KRTAP5-9: variants seen among roughly 807,000 people sequenced by gnomAD.
KRTAP5-9 encodes the protein keratin associated protein 5-9, also known as keratin-associated protein 5-9.
A neutral mutation model predicts 3.0 loss-of-function variants in KRTAP5-9; 2 were observed. That is an observed-to-expected ratio of 0.67 (90% CI 0.27 to 2.09). The LOEUF is 2.09. Among genes scored for constraint, KRTAP5-9 ranks in the 30% most tolerant of loss-of-function variants. The probability of loss-of-function intolerance (pLI) is 0.14; values close to 1 mark genes in which losing one functional copy is unlikely to be tolerated. For missense variants in KRTAP5-9, 183 were observed against 204.2 expected (o/e 0.90, Z 0.63); for synonymous variants, 70 against 81.2 (o/e 0.86, Z 0.74).
At position 71,549,349 on chromosome 11, in the gene KRTAP5-9, C is replaced by T. The variant is rs1368266405; in HGVS notation, c.*182C>T. The T allele has an allele frequency of 1.0e-6, 1 of 979,170 alleles. No homozygotes were observed. The highest frequency in any genetic ancestry group is 1.5e-6 in the Non-Finnish European group (1 of 668,220). The allele number at this position is 979,170 out of a possible 1,614,324, so 60.7% of individuals were successfully genotyped here. On this transcript the variant is annotated 3_prime_UTR_variant, in exon 1 of 1. Coordinates refer to ENST00000528743, the MANE Select transcript of KRTAP5-9 (RefSeq NM_005553.4). ...ATTCCCTATAAGAATATCCCAAGAC[C>T]CAGGCAATTTTGCCCCTCTTTCCCA...
At position 71,549,224 on chromosome 11, in the gene KRTAP5-9, C is replaced by T. The variant is rs998771438; in HGVS notation, c.*57C>T. On this transcript the variant is annotated 3_prime_UTR_variant, in exon 1 of 1. Transcript: ENST00000528743. ...AAGATCTGTGCTTTCCAACAAGTGACTACCCTTGAAGCACATCCCCTTCTG... is the reference window on the plus strand; with the variant it reads ...AAGATCTGTGCTTTCCAACAAGTGATTACCCTTGAAGCACATCCCCTTCTG... 1.9e-6 allele frequency: 3 copies of T among 1,608,272 alleles called. No homozygotes were observed. The highest frequency in any genetic ancestry group is 1.7e-5 in the Admixed American group (1 of 59,926).
In KRTAP5-9 at chr11:71,548,641, C is replaced by T. The variant is rs746496967; in HGVS notation, c.-17C>T. ...CACCTGCTCCTCTACCTGCTCCACC[C>T]TCAATCCACCAGAACCATGGGCTGC... On this transcript the variant is annotated 5_prime_UTR_variant, in exon 1 of 1. Transcript: ENST00000528743. The T allele has an allele frequency of 4.4e-6, 7 of 1,600,878 alleles. No homozygotes were observed. The highest frequency in any genetic ancestry group is 3.4e-5 in the Admixed American group (2 of 59,268).
At position 71,548,875 on chromosome 11, in the gene KRTAP5-9, G is replaced by T. The variant is rs1267802803; in HGVS notation, c.218G>T (p.Gly73Val). 2 of 1,614,226 alleles carry T rather than the reference G, an allele frequency of 1.2e-6. No homozygotes were observed. The highest frequency in any genetic ancestry group is 1.7e-6 in the Non-Finnish European group (2 of 1,180,024). Residue 73 changes from glycine (G) to valine (V), a missense_variant, in exon 1 of 1, where the codon GGT becomes GTT. By Grantham distance (109) the Gly-to-Val change is moderately radical. Coordinates refer to ENST00000528743, the MANE Select transcript of KRTAP5-9 (RefSeq NM_005553.4). ...GSCGGSKGGC[G>V]SCGCSQCSCC... ...TGTGGGGGCTCCAAGGGAGGCTGTG[G>T]TTCTTGTGGCTGCTCCCAGTGCAGT...
In KRTAP5-9 at chr11:71,548,607, C is replaced by T; in HGVS notation, c.-51C>T. The T allele has an allele frequency of 1.3e-6, 2 of 1,582,848 alleles. No homozygotes were observed. The highest frequency in any genetic ancestry group is 8.6e-7 in the Non-Finnish European group (1 of 1,167,062). On this transcript the variant is annotated 5_prime_UTR_variant, in exon 1 of 1. Transcript: ENST00000528743. ...GGGCTCAGGGGGCTCCACACCTGCA[C>T]CTCCTTCTCACCTGCTCCTCTACCT... is the stretch of plus-strand genomic sequence containing the variant.
At position 71,549,091 on chromosome 11, in the gene KRTAP5-9, G is replaced by GC; in HGVS notation, c.436dup (p.Gln146ProfsTer28). On this transcript the variant is annotated frameshift_variant, in exon 1 of 1. Transcript: ENST00000528743. LOFTEE classifies it high-confidence loss of function. ...TCCTCAGGCTGTGGGTCATCCTGCT[G>GC]CCAGTCCAGCTGCTGCAAGCCCTGC... is the stretch of plus-strand genomic sequence containing the variant. 6.2e-7 allele frequency: 1 copy of GC among 1,613,448 alleles called. No homozygotes were observed. The highest frequency in any genetic ancestry group is 1.7e-5 in the Admixed American group (1 of 59,996).
chr11:71,549,044 C>T lies in KRTAP5-9; in HGVS notation c.387C>T (p.Ser129=), dbSNP rs572772724. 5 of 1,606,492 alleles carry T rather than the reference C, an allele frequency of 3.1e-6. No homozygotes were observed. The highest frequency in any genetic ancestry group is 2.2e-5 in the South Asian group (2 of 90,928). The change falls in exon 1 of 1, where the codon AGC becomes AGT. Residue 129 remains serine (S), a synonymous_variant. Coordinates refer to ENST00000528743, the MANE Select transcript of KRTAP5-9 (RefSeq NM_005553.4). ...GTGGGTCATCCTGCTGCCAATCCAGCTGCTGCAAGCCCTGCTGCTCATCCT... is the reference window on the plus strand; with the variant it reads ...GTGGGTCATCCTGCTGCCAATCCAGTTGCTGCAAGCCCTGCTGCTCATCCT... ...SGRGSSCCQS[S]CCKPCCSSSG...
chr11:71,548,778 T>G lies in KRTAP5-9; in HGVS notation c.121T>G (p.Cys41Gly). 1.2e-6 allele frequency: 2 copies of G among 1,613,440 alleles called. No individual in the cohort carries two copies. Among genetic ancestry groups the G allele is most frequent in the Non-Finnish European group, 1.7e-6 (2 of 1,179,760 alleles). ...CGPSCCAPVYCCKPVCCCVPA... is the reference protein window; with the variant it reads ...CGPSCCAPVYGCKPVCCCVPA... ...CCCCAGCTGCTGTGCACCCGTCTAC[T>G]GCTGCAAGCCCGTGTGCTGCTGTGT... The change falls in exon 1 of 1, where the codon TGC becomes GGC. Residue 41 changes from cysteine (C) to glycine (G), a missense_variant. By Grantham distance (159) the Cys-to-Gly change is radical (BLOSUM62 -3). Transcript: ENST00000528743.
In KRTAP5-9 at chr11:71,548,986, G is replaced by A; in HGVS notation, c.329G>A (p.Ser110Asn). 6.2e-7 allele frequency: 1 copy of A among 1,602,496 alleles called. No individual in the cohort carries two copies. The highest frequency in any genetic ancestry group is 8.5e-7 in the Non-Finnish European group (1 of 1,174,892). The change falls in exon 1 of 1, where the codon AGC becomes AAC. Residue 110 changes from serine to asparagine, a missense_variant. By Grantham distance (46) the Ser-to-Asn change is conservative (BLOSUM62 1). Transcript: ENST00000528743. ...SCCKPYCSQC[S>N]CCKPCCSSSG... Reference sequence around the variant, plus strand: ...TGCAAGCCCTACTGCTCCCAGTGCAGCTGCTGTAAGCCCTGTTGCTCCTCC... The same window carrying A: ...TGCAAGCCCTACTGCTCCCAGTGCAACTGCTGTAAGCCCTGTTGCTCCTCC...
In KRTAP5-9 at chr11:71,549,274, G is replaced by A; in HGVS notation, c.*107G>A. On this transcript the variant is annotated 3_prime_UTR_variant, in exon 1 of 1. Coordinates refer to ENST00000528743, the MANE Select transcript of KRTAP5-9 (RefSeq NM_005553.4). ...GGATCTGAAAAGAGCCCTTGGCTCA[G>A]GGCGTCTTTTTCCAGCCCCTGAGGA... The A allele has an allele frequency of 6.7e-7, 1 of 1,501,066 alleles. No individual in the cohort carries two copies. The highest frequency in any genetic ancestry group is 1.9e-5 in the Admixed American group (1 of 53,874). 93.0% of individuals were successfully genotyped at this position (1,501,066 alleles called of 1,614,324 possible).
At position 71,548,803 on chromosome 11, in the gene KRTAP5-9, T is replaced by C; in HGVS notation, c.146T>C (p.Val49Ala). 6.2e-7 allele frequency: 1 copy of C among 1,613,426 alleles called. No individual in the cohort carries two copies. Among genetic ancestry groups the C allele is most frequent in the South Asian group, 1.1e-5 (1 of 91,028 alleles). The change falls in exon 1 of 1, where the codon GTT becomes GCT. Residue 49 changes from valine to alanine, a missense_variant. By Grantham distance (64) the Val-to-Ala change is moderately conservative. Transcript: ENST00000528743. ...TGCTGCAAGCCCGTGTGCTGCTGTG[T>C]TCCAGCCTGTTCCTGCTCTAGCTGT... ...VYCCKPVCCC[V>A]PACSCSSCGK...
chr11:71,548,967 C>T lies in KRTAP5-9; in HGVS notation c.310C>T (p.Pro104Ser). Residue 104 changes from proline to serine, a missense_variant, in exon 1 of 1, where the codon CCC (proline) becomes TCC (serine). Pro to Ser is a moderately conservative substitution (Grantham distance 74). Coordinates refer to ENST00000528743, the MANE Select transcript of KRTAP5-9 (RefSeq NM_005553.4). Reference sequence around the variant, plus strand: ...CTGCTGCCAGTGCAGCTGCTGCAAGCCCTACTGCTCCCAGTGCAGCTGCTG... The same window carrying T: ...CTGCTGCCAGTGCAGCTGCTGCAAGTCCTACTGCTCCCAGTGCAGCTGCTG... ...SSCCQCSCCK[P>S]YCSQCSCCKP... 1 of 1,601,802 alleles carries T rather than the reference C, an allele frequency of 6.2e-7. No homozygotes were observed. Among genetic ancestry groups the T allele is most frequent in the Non-Finnish European group, 8.5e-7 (1 of 1,174,444 alleles).
At position 71,549,409 on chromosome 11, in the gene KRTAP5-9, G is replaced by A; in HGVS notation, c.*242G>A. The A allele has an allele frequency of 1.6e-6, 1 of 620,710 alleles. No individual in the cohort carries two copies. The highest frequency in any genetic ancestry group is 2.9e-6 in the Non-Finnish European group (1 of 348,392). The allele number at this position is 620,710 out of a possible 1,614,324, so 38.5% of individuals were successfully genotyped here. A position where few individuals can be genotyped will look rare whatever the true frequency, so the allele number is the denominator to read the frequency against. On this transcript the variant is annotated 3_prime_UTR_variant, in exon 1 of 1. Transcript: ENST00000528743. ...ATATGTCTGAGCCAAACTGCACTGG[G>A]GGCTGCCCTCATGCCAAGCAAGAGC... is the stretch of plus-strand genomic sequence containing the variant.
rs755521136 is a variant in KRTAP5-9, at chr11:71,548,892, C to A, written c.235C>A (p.Gln79Lys). ...KGGCGSCGCSQCSCCKPCCCS... is the reference protein window; with the variant it reads ...KGGCGSCGCSKCSCCKPCCCS... Reference sequence around the variant, plus strand: ...AGGCTGTGGTTCTTGTGGCTGCTCCCAGTGCAGTTGCTGCAAGCCCTGCTG... The same window carrying A: ...AGGCTGTGGTTCTTGTGGCTGCTCCAAGTGCAGTTGCTGCAAGCCCTGCTG... Residue 79 changes from glutamine to lysine, a missense_variant, in exon 1 of 1, where the codon CAG becomes AAG. By Grantham distance (53) the Gln-to-Lys change is moderately conservative. Transcript: ENST00000528743. The A allele has an allele frequency of 6.2e-7, 1 of 1,614,228 alleles. No homozygotes were observed. The highest frequency in any genetic ancestry group is 1.1e-5 in the South Asian group (1 of 91,086).
chr11:71,549,381 C>G lies in KRTAP5-9; in HGVS notation c.*214C>G, dbSNP rs930357645. 2.8e-6 allele frequency: 2 copies of G among 710,558 alleles called. No individual in the cohort carries two copies. The highest frequency in any genetic ancestry group is 3.6e-5 in the African/African-American group (2 of 55,544). 44.0% of individuals were successfully genotyped at this position (710,558 alleles called of 1,614,324 possible). A position where few individuals can be genotyped will look rare whatever the true frequency, so the allele number is the denominator to read the frequency against. On this transcript the variant is annotated 3_prime_UTR_variant, in exon 1 of 1. Coordinates refer to ENST00000528743, the MANE Select transcript of KRTAP5-9 (RefSeq NM_005553.4). ...ATTTTGCCCCTCTTTCCCACATGCC[C>G]CCATATGTCTGAGCCAAACTGCACT...
Position 71,549,113 on chromosome 11 carries a change from C to T in KRTAP5-9, c.456C>T (p.Pro152=), listed in dbSNP as rs752646106. ...GCTGCCAGTCCAGCTGCTGCAAGCC[C>T]TGCTGCTCCCAGTCCAGATGCTGTG... The part of the protein sequence containing the change: ...SSCCQSSCCK[P]CCSQSRCCVP... The change falls in exon 1 of 1, where the codon CCC becomes CCT. Residue 152 remains proline, a synonymous_variant. Coordinates refer to ENST00000528743, the MANE Select transcript of KRTAP5-9 (RefSeq NM_005553.4). The T allele has an allele frequency of 1.2e-6, 2 of 1,613,552 alleles. No homozygotes were observed. Among genetic ancestry groups the T allele is most frequent in the Admixed American group, 3.3e-5 (2 of 60,002 alleles).
chr11:71,548,497 C>T lies in KRTAP5-9; in HGVS notation c.-161C>T. On this transcript the variant is annotated 5_prime_UTR_variant, in exon 1 of 1. Coordinates refer to ENST00000528743, the MANE Select transcript of KRTAP5-9 (RefSeq NM_005553.4). Reference sequence around the variant, plus strand: ...AAATATCAACATAGCCAAAGAAAAACAATCAAGACATACCTCCAGGAGCTG... The same window carrying T: ...AAATATCAACATAGCCAAAGAAAAATAATCAAGACATACCTCCAGGAGCTG... The T allele has an allele frequency of 1.4e-6, 2 of 1,397,018 alleles. No individual in the cohort carries two copies. Among genetic ancestry groups the T allele is most frequent in the Non-Finnish European group, 1.9e-6 (2 of 1,030,658 alleles). The allele number at this position is 1,397,018 out of a possible 1,614,324, so 86.5% of individuals were successfully genotyped here.
chr11:71,549,194 T>C lies in KRTAP5-9; in HGVS notation c.*27T>C. ...GCTCTAGTGGGAAACCTCAGGTAGCTCCTGAAGATCTGTGCTTTCCAACAA... is the reference window on the plus strand; with the variant it reads ...GCTCTAGTGGGAAACCTCAGGTAGCCCCTGAAGATCTGTGCTTTCCAACAA... On this transcript the variant is annotated 3_prime_UTR_variant, in exon 1 of 1. Transcript: ENST00000528743. 6.2e-7 allele frequency: 1 copy of C among 1,613,768 alleles called. No individual in the cohort carries two copies. Among genetic ancestry groups the C allele is most frequent in the Non-Finnish European group, 8.5e-7 (1 of 1,179,678 alleles).
At position 71,549,198 on chromosome 11, in the gene KRTAP5-9, G is replaced by A. The variant is rs1950111559; in HGVS notation, c.*31G>A. 1.9e-6 allele frequency: 3 copies of A among 1,613,514 alleles called. No homozygotes were observed. Among genetic ancestry groups the A allele is most frequent in the Non-Finnish European group, 2.5e-6 (3 of 1,179,512 alleles). On this transcript the variant is annotated 3_prime_UTR_variant, in exon 1 of 1. Coordinates refer to ENST00000528743, the MANE Select transcript of KRTAP5-9 (RefSeq NM_005553.4). ...TAGTGGGAAACCTCAGGTAGCTCCT[G>A]AAGATCTGTGCTTTCCAACAAGTGA...
At position 71,549,001 on chromosome 11, in the gene KRTAP5-9, G is replaced by A. The variant is rs117137984; in HGVS notation, c.344G>A (p.Cys115Tyr). The A allele has an allele frequency of 6.2e-7, 1 of 1,606,914 alleles. No individual in the cohort carries two copies. The change falls in exon 1 of 1, where the codon TGT (cysteine) becomes TAT (tyrosine). Residue 115 changes from cysteine (C) to tyrosine (Y), a missense_variant. Cys to Tyr is a radical substitution (Grantham distance 194). Coordinates refer to ENST00000528743, the MANE Select transcript of KRTAP5-9 (RefSeq NM_005553.4). ...YCSQCSCCKP[C>Y]CSSSGRGSSC... The stretch of plus-strand genomic sequence containing the variant: ...TCCCAGTGCAGCTGCTGTAAGCCCT[G>A]TTGCTCCTCCTCGGGTCGTGGGTCA...
Sources: gnomAD v4.1 joint callset for allele counts on GRCh38, gnomAD v4.1.1 for gene constraint, MANE v1.5 for transcripts, NCBI Gene and HGNC (gene_info 2026-07-23, HGNC 2026-07-21) for gene names.